Variants in LDLRAD4 observed in about 807,000 individuals in gnomAD.
LDLRAD4 encodes the protein low density lipoprotein receptor class A domain containing 4.
Under a neutral mutation model 17.0 loss-of-function variants are expected in LDLRAD4, and 5 were observed. The ratio of observed to expected loss-of-function variants is 0.29; its 90% CI spans 0.15 to 0.62. The LOEUF (loss-of-function observed/expected upper bound fraction) is 0.62. Ranked by LOEUF, LDLRAD4 falls within the 20% of genes least tolerant of loss-of-function variation. LDLRAD4 has a pLI of 0.84. For missense variants in LDLRAD4, 340 were observed against 424.7 expected (o/e 0.80, Z 1.75); for synonymous variants, 168 against 171.8 (o/e 0.98, Z 0.17).
intron 3 of LDLRAD4, among the ~76,000 whole-genome samples, chr18:13,505,909 G>C (rs1439271193): frequency 6.6e-6 from 1 of 152,160 alleles, no homozygotes; most frequent in African/African-American, 2.4e-5. Context: ...CTAGTGGTCT[G>C]AGCGGTGCCA....
intron 1 of LDLRAD4, among the ~76,000 whole-genome samples, chr18:13,325,380 T>C (rs765573117): frequency 1.6e-4 from 24 of 152,176 alleles, no homozygotes; most frequent in Non-Finnish European, 2.9e-4. Context: ...AGATGCAGAG[T>C]GCACTAAGCC....
intron 2 of LDLRAD4, among the ~76,000 whole-genome samples, chr18:13,411,439 T>C (rs1315183595): frequency 6.6e-6 from 1 of 152,238 alleles, no homozygotes; most frequent in African/African-American, 2.4e-5. Flanking sequence ...ATGGTTTGGC[T>C]GTGTCCTTAC....
chr18:13,489,058 T>C (rs1378038139), intron 3 of LDLRAD4: 1 of 152,160 alleles, frequency 6.6e-6, no homozygotes, highest in Non-Finnish European at 1.5e-5. Flanking sequence ...GGGGCTGCTA[T>C]CTTTATGGGT....
chr18:13,445,629 G>A (rs1432827302), intron 3 of LDLRAD4, among the ~76,000 whole-genome samples: 1 of 152,002 alleles, frequency 6.6e-6, no homozygotes, highest in Non-Finnish European at 1.5e-5. Flanking sequence ...GTGCGTGTGT[G>A]TGTGAGAGAG....
chr18:13,329,234 G>A (rs2081710494), intron 1 of LDLRAD4, among the ~76,000 whole-genome samples: 1 of 152,146 alleles, frequency 6.6e-6, no homozygotes, highest in South Asian at 2.1e-4. Flanking sequence ...TTATTACTGA[G>A]GCCCATCTTT....
At chr18:13,458,197 G>A (rs1011698215) in intron 3 of LDLRAD4, among the ~76,000 whole-genome samples, 2 of 152,208 alleles carry the variant, frequency 1.3e-5, no homozygotes, top group African/African-American at 4.8e-5. Context: ...AGCAGGAGCC[G>A]TGGAGGGGTC....
chr18:13,486,401 A>G (rs1227607232), intron 3 of LDLRAD4: 3 of 152,254 alleles, frequency 2.0e-5, no homozygotes, highest in African/African-American at 7.2e-5. Flanking sequence ...ATTTAAAGCC[A>G]TCTGGAAAGG....
chr18:13,436,674 A>G (rs1459843479), intron 2 of LDLRAD4, among the ~76,000 whole-genome samples: 1 of 152,230 alleles, frequency 6.6e-6, no homozygotes, highest in East Asian at 1.9e-4. Context: ...AATGTTACTT[A>G]GTAAATGTGA....
chr18:13,262,149 C>T (rs182736843), intron 1 of LDLRAD4, among the ~76,000 whole-genome samples: 2,819 of 75,992 alleles, frequency 0.037, no homozygotes, highest in South Asian at 0.066. Flanking sequence ...GAGTCCCGTG[C>T]GGCTCTGTGC....
At chr18:13,585,231 C>T (rs535678182) in intron 3 of LDLRAD4, 3 of 152,344 alleles carry the variant, frequency 2.0e-5, no homozygotes, top group Middle Eastern at 3.4e-3. Flanking sequence ...AGGAGTTTGT[C>T]ACTGGGGCTC....
chr18:13,268,083 G>A (rs1452437874), intron 1 of LDLRAD4, among the ~76,000 whole-genome samples: 6 of 152,108 alleles, frequency 3.9e-5, no homozygotes, highest in African/African-American at 1.4e-4. Flanking sequence ...GATGTGCCTG[G>A]AGAGATATTT....
intron 1 of LDLRAD4, among the ~76,000 whole-genome samples, chr18:13,234,097 C>T (rs188259224): frequency 2.6e-5 from 4 of 152,326 alleles, no homozygotes; most frequent in Admixed American, 2.0e-4. Flanking sequence ...CAGCAGTGCT[C>T]GTGTGTCCTC....
chr18:13,219,730 C>A (rs1043704743), intron 1 of LDLRAD4, among the ~76,000 whole-genome samples: 1 of 152,188 alleles, frequency 6.6e-6, no homozygotes, highest in Admixed American at 6.5e-5. Flanking sequence ...CTTTTAAAAA[C>A]GGCCCTTTCT....
intron 3 of LDLRAD4, chr18:13,461,544 G>A (rs952159526): frequency 3.3e-5 from 5 of 152,170 alleles, no homozygotes; most frequent in Non-Finnish European, 5.9e-5. Context: ...TATTGAAAAC[G>A]AAAGTACACT....
chr18:13,323,148 A>G (rs766132333), intron 1 of LDLRAD4, among the ~76,000 whole-genome samples: 17 of 152,200 alleles, frequency 1.1e-4, no homozygotes, highest in Non-Finnish European at 2.2e-4. Context: ...CCACAGAAAA[A>G]GCTTTTGTTT....
chr18:13,238,506 CTG>C (rs2042449472), intron 1 of LDLRAD4, among the ~76,000 whole-genome samples: 2 of 152,216 alleles, frequency 1.3e-5, no homozygotes, highest in South Asian at 4.1e-4. Flanking sequence ...TACATCTACT[CTG>C]TGCTCTTTCT....
intron 1 of LDLRAD4, among the ~76,000 whole-genome samples, chr18:13,380,562 GATAATTATAGACTTACTA>G (rs757733023): frequency 3.9e-5 from 6 of 152,302 alleles, no homozygotes; most frequent in Non-Finnish European, 8.8e-5. Context: ...CATATGAGTC[GATAATTATAGACTTACTA>G]ATGCATTAAG....
At chr18:13,502,842 G>C (rs979919716) in intron 3 of LDLRAD4, among the ~76,000 whole-genome samples, 1 of 152,346 alleles carries the variant, frequency 6.6e-6, no homozygotes, top group Non-Finnish European at 1.5e-5. Context: ...TCACCCGTCT[G>C]GTCACTCCTG....
intron 1 of LDLRAD4, among the ~76,000 whole-genome samples, chr18:13,295,385 A>ACCTCGGG (rs1418818803): frequency 6.6e-6 from 1 of 152,118 alleles, no homozygotes; most frequent in Non-Finnish European, 1.5e-5. Context: ...GTGGGGTCAT[A>ACCTCGGG]CTGTGCCCGA....
Sources: allele counts gnomAD v4.1 joint callset (sites outside exome capture counted in the v4.1 genomes callset), GRCh38; gene constraint gnomAD v4.1.1; transcripts MANE v1.5; gene names NCBI Gene and HGNC (gene_info 2026-07-23, HGNC 2026-07-21).